VRK2: variants seen among roughly 807,000 people sequenced by gnomAD.
VRK2 encodes the protein VRK serine/threonine kinase 2, also known as serine/threonine-protein kinase VRK2.
VRK2 carries 60 observed loss-of-function variants against 57.6 expected under a neutral mutation model. That is an observed-to-expected ratio of 1.04 (90% CI 0.85 to 1.29). The LOEUF is 1.29. VRK2 is among the 50% of genes most tolerant of loss of function. The probability of loss-of-function intolerance (pLI) is 0.00; values close to 1 mark genes in which losing one functional copy is unlikely to be tolerated. For missense variants in VRK2, 705 were observed against 588.1 expected (o/e 1.20, Z -2.06); for synonymous variants, 231 against 199.2 (o/e 1.16, Z -1.35).
At chr2:58,100,218 G>A (rs542665926) in intron 7 of VRK2, among the ~76,000 whole-genome samples, 63 of 152,022 alleles carry the variant, frequency 4.1e-4, no homozygotes, top group Non-Finnish European at 7.2e-4. Flanking sequence ...CTTGTAAAAT[G>A]GAGTGTGAAT....
intron 1 of VRK2, among the ~76,000 whole-genome samples, chr2:57,910,922 CAG>C (rs1485566084): frequency 6.6e-6 from 1 of 152,126 alleles, no homozygotes; most frequent in Admixed American, 6.5e-5. Flanking sequence ...CCCAGGAACA[CAG>C]AGTTTGCAGA....
At chr2:57,910,780 A>G (rs1248463269) in intron 1 of VRK2, among the ~76,000 whole-genome samples, 2 of 152,198 alleles carry the variant, frequency 1.3e-5, no homozygotes, top group Non-Finnish European at 2.9e-5. Context: ...CAAAGCCAAT[A>G]CTACAGAAAA....
Position 57,961,628 on chromosome 2 carries a change from C to T in VRK2, c.-439+53789C>T, listed in dbSNP as rs1036959405. On this transcript the variant is annotated intron_variant, in intron 1 of 15. Transcript: ENST00000417641. ...TGCTGTCTCCCACTGTACCCACCCCCCCCCCCACTTATTACTCTGATTAAT... is the reference window on the plus strand; with the variant it reads ...TGCTGTCTCCCACTGTACCCACCCCTCCCCCCACTTATTACTCTGATTAAT... Among the ~76,000 whole-genome samples the T allele has an allele frequency of 2.2e-5, 3 of 134,238 alleles. No individual in the cohort carries two copies. In the South Asian group the frequency reaches 8.5e-4, roughly 38 times the overall value. The allele number at this position is 134,238 out of a possible 152,430, so 88.1% of individuals were successfully genotyped here.
At position 58,159,384 on chromosome 2, in the gene VRK2, T is replaced by C; in HGVS notation, c.1218T>C (p.Ser406=). 6.2e-7 allele frequency: 1 copy of C among 1,612,498 alleles called. No homozygotes were observed. ...GGAGAAGACAGAAATATCAAGAGTC[T>C]CAAGAACCTTTGAATGAAGTAAACA... is the stretch of plus-strand genomic sequence containing the variant. ...STRRRQKYQE[S]QEPLNEVNSF... is the part of the protein sequence containing the mutation. The change falls in exon 13 of 13, where the codon TCT becomes TCC. Residue 406 remains serine (S), a synonymous_variant. Coordinates refer to ENST00000340157, the MANE Select transcript of VRK2 (RefSeq NM_006296.7).
At chr2:58,012,923 G>C (rs1425024989) in intron 1 of VRK2, among the ~76,000 whole-genome samples, 2 of 152,134 alleles carry the variant, frequency 1.3e-5, no homozygotes, top group Non-Finnish European at 2.9e-5. Flanking sequence ...AAAACTTTCA[G>C]TGTATTTTAG....
At chr2:58,026,162 G>A (rs1673917807) in intron 2 of VRK2, among the ~76,000 whole-genome samples, 2 of 152,142 alleles carry the variant, frequency 1.3e-5, no homozygotes, top group South Asian at 4.1e-4. Flanking sequence ...GATGTACAAA[G>A]TGAAAATTGC....
At chr2:58,001,045 C>A (rs1436160654) in intron 1 of VRK2, among the ~76,000 whole-genome samples, 1 of 151,948 alleles carries the variant, frequency 6.6e-6, no homozygotes, top group Non-Finnish European at 1.5e-5. Flanking sequence ...TAATGAGTGG[C>A]ATAATTTTCA....
chr2:58,074,536 T>A (rs958017080), intron 2 of VRK2, among the ~76,000 whole-genome samples: 2 of 152,172 alleles, frequency 1.3e-5, no homozygotes, highest in African/African-American at 4.8e-5. Context: ...AATAACACTA[T>A]ACTACTTCAC....
At chr2:57,981,970 G>A (rs1346319410) in intron 1 of VRK2, among the ~76,000 whole-genome samples, 1 of 152,226 alleles carries the variant, frequency 6.6e-6, no homozygotes, top group Non-Finnish European at 1.5e-5. Context: ...GCTTTTTAGA[G>A]TTATCAGAGT....
At chr2:58,119,295 C>T (rs928007324) in intron 7 of VRK2, among the ~76,000 whole-genome samples, 11 of 149,852 alleles carry the variant, frequency 7.3e-5, no homozygotes, top group East Asian at 5.9e-4. Flanking sequence ...GTCAGGAGTT[C>T]GAGACCAGCC....
intron 2 of VRK2, among the ~76,000 whole-genome samples, chr2:58,056,864 C>T (rs758961360): frequency 1.3e-5 from 2 of 152,122 alleles, no homozygotes; most frequent in Non-Finnish European, 2.9e-5. Flanking sequence ...ACTTGGTAGA[C>T]TGGAAGCGAG....
chr2:58,079,117 C>T (rs1045940235), intron 2 of VRK2, among the ~76,000 whole-genome samples: 3 of 152,106 alleles, frequency 2.0e-5, no homozygotes, highest in African/African-American at 7.2e-5. Flanking sequence ...GAATGTCCTT[C>T]AATTTGGGTT....
At chr2:58,147,673 C>A (rs1051183879) in intron 12 of VRK2, among the ~76,000 whole-genome samples, 1 of 151,780 alleles carries the variant, frequency 6.6e-6, no homozygotes, top group Non-Finnish European at 1.5e-5. Context: ...CTAGTCAGTC[C>A]TCTTCCCCCA....
At chr2:57,996,239 G>A (rs999282771) in intron 1 of VRK2, among the ~76,000 whole-genome samples, 1 of 152,102 alleles carries the variant, frequency 6.6e-6, no homozygotes, top group Non-Finnish European at 1.5e-5. Context: ...AGAAACCGAG[G>A]GATGACTATA....
chr2:58,127,835 C>T (rs1202846719), intron 8 of VRK2, among the ~76,000 whole-genome samples: 5 of 152,102 alleles, frequency 3.3e-5, no homozygotes, highest in East Asian at 3.8e-4. Context: ...TAATGTTACT[C>T]GGTATAAGAA....
chr2:58,102,406 A>C lies in VRK2; in HGVS notation c.543+12683A>C, dbSNP rs147996073. On this transcript the variant is annotated intron_variant, in intron 7 of 12. Transcript: ENST00000340157. ...TAGATTGAAGGCCAAGGGATTGAAA[A>C]AGATATTCCACCCAAGCAGAAACCA... Among the ~76,000 whole-genome samples the C allele has an allele frequency of 5.0e-3, 750 of 151,410 alleles. 7 individuals carry two copies. Among genetic ancestry groups the C allele is most frequent in the South Asian group, 0.024 (115 of 4,808 alleles).
intron 1 of VRK2, among the ~76,000 whole-genome samples, chr2:57,938,617 C>A (rs1212128105): frequency 6.6e-6 from 1 of 152,010 alleles, no homozygotes; most frequent in Non-Finnish European, 1.5e-5. Flanking sequence ...TTACTACTAA[C>A]TTTCATGGCT....
intron 1 of VRK2, among the ~76,000 whole-genome samples, chr2:57,997,799 GT>G: frequency 6.6e-6 from 1 of 152,122 alleles, no homozygotes; most frequent in South Asian, 2.1e-4. Context: ...GGAGGCTGAA[GT>G]GGGTGGGAGT....
chr2:57,998,090 A>C (rs1385566815), intron 1 of VRK2, among the ~76,000 whole-genome samples: 1 of 152,200 alleles, frequency 6.6e-6, no homozygotes, highest in Non-Finnish European at 1.5e-5. Flanking sequence ...AAAAAGAATT[A>C]GGGAAGTAAT....
Sources: gnomAD v4.1 joint callset for allele counts (sites outside exome capture counted in the v4.1 genomes callset) on GRCh38, gnomAD v4.1.1 for gene constraint, MANE v1.5 for transcripts, NCBI Gene and HGNC (gene_info 2026-07-23, HGNC 2026-07-21) for gene names.